Variants in VPS72 observed in about 807,000 individuals in gnomAD.
VPS72 encodes vacuolar protein sorting 72 homolog, also known as vacuolar protein sorting-associated protein 72 homolog.
VPS72 carries 27 observed loss-of-function variants against 38.9 expected under a neutral mutation model. The observed-to-expected ratio is 0.69, with a 90% CI of 0.51 to 0.96. The LOEUF is 0.96. Ranked by LOEUF, VPS72 falls within the 40% of genes least tolerant of loss-of-function variation. The probability of loss-of-function intolerance (pLI) is 0.00; values close to 1 mark genes in which losing one functional copy is unlikely to be tolerated. For missense variants in VPS72, 360 were observed against 479.5 expected (o/e 0.75, Z 2.33); for synonymous variants, 173 against 186.3 (o/e 0.93, Z 0.58).
intron 1 of VPS72, among the ~76,000 whole-genome samples, chr1:151,188,665 G>A (rs1006239634): frequency 6.6e-6 from 1 of 152,180 alleles, no homozygotes; most frequent in Non-Finnish European, 1.5e-5. Flanking sequence ...ATCCTGCTCT[G>A]TGGACTAACC....
Position 151,185,931 on chromosome 1 carries a change from T to C in VPS72, c.137A>G (p.Tyr46Cys). 6.2e-7 allele frequency: 1 copy of C among 1,614,164 alleles called. No homozygotes were observed. The highest frequency in any genetic ancestry group is 8.5e-7 in the Non-Finnish European group (1 of 1,180,036). ...GFTEESGDDE[Y>C]QGDQSDTEDE... Reference sequence around the variant, plus strand: ...CTCTGTGTCTGACTGGTCCCCTTGATACTCATCATCTCCGGATTCCTAAGG... The same window carrying C: ...CTCTGTGTCTGACTGGTCCCCTTGACACTCATCATCTCCGGATTCCTAAGG... The change falls in exon 2 of 6, where the codon TAT becomes TGT. Residue 46 changes from tyrosine (Y) to cysteine (C), a missense_variant. Tyr to Cys is a radical substitution (Grantham distance 194). Around this residue, in one of 2 missense-constraint regions of VPS72, gnomAD observed 66 missense variants for 123.1 expected, o/e 0.54. Coordinates refer to ENST00000368892, the MANE Select transcript of VPS72 (RefSeq NM_005997.3).
chr1:151,189,225 T>C (rs1684411551), intron 1 of VPS72, among the ~76,000 whole-genome samples: 1 of 152,172 alleles, frequency 6.6e-6, no homozygotes, highest in Admixed American at 6.6e-5. Context: ...GAGCACTGTT[T>C]TTAATATTCT....
At chr1:151,177,457 G>C (rs986425980) in intron 5 of VPS72, among the ~76,000 whole-genome samples, 3 of 151,800 alleles carry the variant, frequency 2.0e-5, no homozygotes, top group Admixed American at 2.0e-4. Flanking sequence ...AAAGGAGGCA[G>C]GGTGTTGGGA....
At chr1:151,184,515 A>G in intron 3 of VPS72, 22 bp from the exon 4 acceptor site, 1 of 1,570,536 alleles carries the variant, frequency 6.4e-7, no homozygotes. Flanking sequence ...TGAGATAAGA[A>G]GAAATCTTTG....
At position 151,189,875 on chromosome 1, in the gene VPS72, C is replaced by A. The variant is rs1031773151; in HGVS notation, c.117+130G>T. The stretch of plus-strand genomic sequence containing the variant: ...CGCCTCGCCCCCCGGCTCCGATTCA[C>A]CCACCCAACTCGAGTATCAGCTCCC... On this transcript the variant is annotated intron_variant, in intron 1 of 5. Coordinates refer to ENST00000368892, the MANE Select transcript of VPS72 (RefSeq NM_005997.3). 6.5e-5 allele frequency: 71 copies of A among 1,088,538 alleles called. No individual in the cohort carries two copies. The African/African-American group carries it at 1.1e-3, about 16-fold the overall frequency. 67.4% of individuals were successfully genotyped at this position (1,088,538 alleles called of 1,614,324 possible).
chr1:151,176,952 G>C lies in VPS72; in HGVS notation c.787C>G (p.Arg263Gly). 1 of 1,612,124 alleles carries C rather than the reference G, an allele frequency of 6.2e-7. No individual in the cohort carries two copies. The highest frequency in any genetic ancestry group is 8.5e-7 in the Non-Finnish European group (1 of 1,178,484). ...TCATCACTAAAAGTGATGAAGGTACGTGAGCAGCGAGCAGGGGGGTTGACG... is the reference window on the plus strand; with the variant it reads ...TCATCACTAAAAGTGATGAAGGTACCTGAGCAGCGAGCAGGGGGGTTGACG... ...GPVNPPARCSRTFITFSDDAT... is the reference protein window; with the variant it reads ...GPVNPPARCSGTFITFSDDAT... The change falls in exon 6 of 6, where the codon CGT becomes GGT. Residue 263 changes from arginine to glycine, a missense_variant. Coordinates refer to ENST00000368892, the MANE Select transcript of VPS72 (RefSeq NM_005997.3).
At chr1:151,183,754 G>T (rs1234746450) in intron 4 of VPS72, among the ~76,000 whole-genome samples, 2 of 152,048 alleles carry the variant, frequency 1.3e-5, no homozygotes, top group Non-Finnish European at 2.9e-5. Flanking sequence ...GAGCCACTGC[G>T]CTTGGCCCAA....
chr1:151,177,537 G>A (rs1032478915), intron 5 of VPS72, among the ~76,000 whole-genome samples: 1 of 151,996 alleles, frequency 6.6e-6, no homozygotes, highest in Admixed American at 6.6e-5. Context: ...ACAGGAAAGA[G>A]AAGAACAGAG....
Position 151,176,923 on chromosome 1 carries a change from T to A in VPS72, c.816A>T (p.Ala272=), listed in dbSNP as rs756618969. Residue 272 remains alanine (A), a synonymous_variant, in exon 6 of 6, where the codon GCA becomes GCT. Coordinates refer to ENST00000368892, the MANE Select transcript of VPS72 (RefSeq NM_005997.3). ...CTTGGGGGAACCATTCCTCGAAAGTTGCATCATCACTAAAAGTGATGAAGG... is the reference window on the plus strand; with the variant it reads ...CTTGGGGGAACCATTCCTCGAAAGTAGCATCATCACTAAAAGTGATGAAGG... The part of the protein sequence containing the change: ...SRTFITFSDD[A]TFEEWFPQGR... 1 of 1,613,770 alleles carries A rather than the reference T, an allele frequency of 6.2e-7. No individual in the cohort carries two copies. Among genetic ancestry groups the A allele is most frequent in the South Asian group, 1.1e-5 (1 of 91,070 alleles).
In VPS72 at chr1:151,185,792, C is replaced by T. The variant is rs746165229; in HGVS notation, c.270+6G>A. ...AAATCCAAGACAACTAGGACTCCCC[C>T]TGTACCTTATAGGCCTTGGTGACTA... On this transcript the variant is annotated splice_donor_region_variant and intron_variant, in intron 2 of 5. Transcript: ENST00000368892. The T allele has an allele frequency of 3.1e-6, 5 of 1,614,000 alleles. No individual in the cohort carries two copies. The Admixed American group carries it at 6.7e-5, about 22-fold the overall frequency.
Position 151,185,919 on chromosome 1 carries a change from T to G in VPS72, c.149A>C (p.Gln50Pro). The G allele has an allele frequency of 1.2e-6, 2 of 1,614,194 alleles. No homozygotes were observed. The highest frequency in any genetic ancestry group is 4.5e-5 in the East Asian group (2 of 44,882). Residue 50 changes from glutamine to proline, a missense_variant, in exon 2 of 6, where the codon CAG becomes CCG. Gln to Pro is a moderately conservative substitution (Grantham distance 76). Coordinates refer to ENST00000368892, the MANE Select transcript of VPS72 (RefSeq NM_005997.3). ...GTCCACTTCGTCCTCTGTGTCTGAC[T>G]GGTCCCCTTGATACTCATCATCTCC... is the stretch of plus-strand genomic sequence containing the variant. ...ESGDDEYQGD[Q>P]SDTEDEVDSD...
chr1:151,182,276 G>A (rs1172439172), intron 4 of VPS72, among the ~76,000 whole-genome samples: 7 of 151,842 alleles, frequency 4.6e-5, no homozygotes, highest in African/African-American at 1.2e-4. Flanking sequence ...TGATCCACCC[G>A]CCGCAGCCTT....
chr1:151,188,947 A>G (rs1684405264), intron 1 of VPS72, among the ~76,000 whole-genome samples: 1 of 152,128 alleles, frequency 6.6e-6, no homozygotes, highest in Non-Finnish European at 1.5e-5. Flanking sequence ...TCTCTGCCTC[A>G]GCCTCCTGAG....
chr1:151,186,572 A>G (rs1311130280), intron 1 of VPS72, among the ~76,000 whole-genome samples: 6 of 152,144 alleles, frequency 3.9e-5, no homozygotes, highest in Non-Finnish European at 8.8e-5. Context: ...AAGAAAAAAA[A>G]AAAAAAGGAT....
rs150639724 is a variant in VPS72 at position 151,184,680 on chromosome 1, G to C, written c.386-187C>G. 4.6e-3 allele frequency among the ~76,000 whole-genome samples: 694 copies of C among 151,564 alleles called. 7 individuals are homozygous for C. Among genetic ancestry groups the C allele is most frequent in the African/African-American group, 0.016 (641 of 41,294 alleles). ...GGCTCACTCCAACCTCTGCTTCCTG[G>C]GTTCAAACAATTCTCCTGCCTCAGA... is the stretch of plus-strand genomic sequence containing the variant. On this transcript the variant is annotated intron_variant, in intron 3 of 5. Transcript: ENST00000368892.
In VPS72 at chr1:151,176,799, G is replaced by T; in HGVS notation, c.940C>A (p.Arg314=). The T allele has an allele frequency of 1.2e-6, 2 of 1,614,192 alleles. No homozygotes were observed. The highest frequency in any genetic ancestry group is 1.7e-6 in the Non-Finnish European group (2 of 1,180,038). The part of the protein sequence containing the change: ...PVTDIPYATA[R]AFKIIREAYK... ...GCCTCACGAATGATCTTGAAGGCTC[G>T]AGCAGTGGCATAGGGTATGTCTGTA... Residue 314 remains arginine, a synonymous_variant, in exon 6 of 6, where the codon CGA becomes AGA. Coordinates refer to ENST00000368892, the MANE Select transcript of VPS72 (RefSeq NM_005997.3).
intron 4 of VPS72, among the ~76,000 whole-genome samples, chr1:151,183,019 C>G (rs1169490669): frequency 6.6e-6 from 1 of 152,170 alleles, no homozygotes; most frequent in African/African-American, 2.4e-5. Context: ...CTCATCACTG[C>G]ATGAATTGCT....
chr1:151,187,145 C>T (rs761061213), intron 1 of VPS72, among the ~76,000 whole-genome samples: 36 of 152,114 alleles, frequency 2.4e-4, no homozygotes, highest in Non-Finnish European at 4.4e-4. Flanking sequence ...GAGTAGAGAA[C>T]GTGAAGTACA....
chr1:151,185,984 A>G, intron 1 of VPS72, 34 bp from the exon 2 acceptor site: 1 of 1,610,380 alleles, frequency 6.2e-7, no homozygotes, highest in African/African-American at 1.3e-5. Context: ...TTGGCTGGCA[A>G]TGGAAGCCTT....
Sources: allele counts gnomAD v4.1 joint callset (sites outside exome capture counted in the v4.1 genomes callset), GRCh38; gene constraint gnomAD v4.1.1; regional missense constraint gnomAD v4.1.1; transcripts MANE v1.5; gene names NCBI Gene and HGNC (gene_info 2026-07-23, HGNC 2026-07-21).